CMIP: variants seen among roughly 807,000 people sequenced by gnomAD.
CMIP encodes c-Maf inducing protein, also known as C-Maf-inducing protein.
A neutral mutation model predicts 97.3 loss-of-function variants in CMIP; 13 were observed. The observed-to-expected ratio is 0.13, with a 90% CI of 0.09 to 0.21. The LOEUF is 0.21. CMIP is among the 10% of genes least tolerant of loss of function. CMIP has a pLI of 1.00. For synonymous variants in CMIP, 538 were observed against 436.3 expected (o/e 1.23, Z -2.91); for missense variants, 847 against 1,024.9 (o/e 0.83, Z 2.37).
At chr16:81,703,339 T>C (rs1310251481) in intron 17 of CMIP, among the ~76,000 whole-genome samples, 1 of 151,968 alleles carries the variant, frequency 6.6e-6, no homozygotes, top group Non-Finnish European at 1.5e-5. Context: ...GTGGAGGTTG[T>C]CTTAGGAACC....
intron 1 of CMIP, among the ~76,000 whole-genome samples, chr16:81,473,334 G>A (rs1405901576): frequency 6.6e-5 from 10 of 152,196 alleles, no homozygotes; most frequent in African/African-American, 1.2e-4. Flanking sequence ...AGCAGGGGCC[G>A]CTCTGTAATT....
chr16:81,461,089 C>T (rs1906871084), intron 1 of CMIP, among the ~76,000 whole-genome samples: 1 of 152,190 alleles, frequency 6.6e-6, no homozygotes, highest in Non-Finnish European at 1.5e-5. Flanking sequence ...ACAACTAAGG[C>T]CAAGCCAGGC....
At chr16:81,696,728 T>A in intron 14 of CMIP, 61 bp downstream of exon 14, 1 of 1,486,468 alleles carries the variant, frequency 6.7e-7, no homozygotes, top group Non-Finnish European at 9.1e-7. Context: ...CATGCCTGAC[T>A]AGTAAAACAG....
In CMIP at chr16:81,500,568, A is replaced by C. The variant is rs551192352; in HGVS notation, c.300+55027A>C. On this transcript the variant is annotated intron_variant, in intron 1 of 20. Coordinates refer to ENST00000537098, the MANE Select transcript of CMIP (RefSeq NM_198390.3). ...CAGTGGTGCGATCTCCGCTCACTGC[A>C]ACCTCTGCCTCCCGGGTTGAAGTGA... Among the ~76,000 whole-genome samples, 11 of 148,668 alleles carry C rather than the reference A, an allele frequency of 7.4e-5. No individual in the cohort carries two copies. The East Asian group carries it at 2.2e-3, about 29-fold the overall frequency.
intron 1 of CMIP, among the ~76,000 whole-genome samples, chr16:81,548,423 A>ACCAG (rs1269182618): frequency 6.6e-6 from 1 of 152,022 alleles, no homozygotes; most frequent in Non-Finnish European, 1.5e-5. Context: ...AGTGTGAGGC[A>ACCAG]CCAGCCAGCT....
chr16:81,596,886 T>C (rs796106235), intron 1 of CMIP, among the ~76,000 whole-genome samples: 2 of 152,348 alleles, frequency 1.3e-5, no homozygotes, highest in African/African-American at 4.8e-5. Flanking sequence ...TTTGTATGGG[T>C]GGAAGCACAT....
At position 81,670,237 on chromosome 16, in the gene CMIP, C is replaced by T; in HGVS notation, c.921C>T (p.Phe307=). 1 of 1,609,748 alleles carries T rather than the reference C, an allele frequency of 6.2e-7. No homozygotes were observed. Among genetic ancestry groups the T allele is most frequent in the South Asian group, 1.1e-5 (1 of 89,858 alleles). ...LNAGMEVVKK[F]IQSMHGPTGH... is the part of the protein sequence containing the mutation. ...CGGGGATGGAAGTGGTGAAGAAGTT[C>T]ATTCAGAGGTGGGTCTCCGGCGCGA... is the stretch of plus-strand genomic sequence containing the variant. The change falls in exon 8 of 21, where the codon TTC becomes TTT. Residue 307 remains phenylalanine, a synonymous_variant. Coordinates refer to ENST00000537098, the MANE Select transcript of CMIP (RefSeq NM_198390.3).
Position 81,691,850 on chromosome 16 carries a change from G to C in CMIP, c.1454+10G>C. On this transcript the variant is annotated intron_variant, in intron 11 of 20. Transcript: ENST00000537098. ...TTCCATTCCCCAAAGAGTAAGTCCC[G>C]TGTGCATCCCCGGAGCCCTCCCACC... 6.2e-7 allele frequency: 1 copy of C among 1,611,946 alleles called. No homozygotes were observed. The highest frequency in any genetic ancestry group is 8.5e-7 in the Non-Finnish European group (1 of 1,178,180).
chr16:81,458,001 G>C (rs1389241305), intron 1 of CMIP, among the ~76,000 whole-genome samples: 1 of 152,198 alleles, frequency 6.6e-6, no homozygotes, highest in Non-Finnish European at 1.5e-5. Context: ...TCAGAGATCT[G>C]GGTTGTTGAA....
In CMIP at chr16:81,672,135, G is replaced by A. The variant is rs895394970; in HGVS notation, c.1034+65G>A. 1.4e-5 allele frequency: 13 copies of A among 949,364 alleles called. No individual in the cohort carries two copies. The East Asian group carries it at 3.4e-4, about 25-fold the overall frequency. The allele number at this position is 949,364 out of a possible 1,614,324, so 58.8% of individuals were successfully genotyped here. On this transcript the variant is annotated intron_variant, in intron 9 of 20. Transcript: ENST00000537098. ...GGGCAAACTGCCACCCCCATCATGG[G>A]CAAAGTCACCAAGAACTGACCAGGC...
intron 2 of CMIP, among the ~76,000 whole-genome samples, chr16:81,613,225 C>T (rs748568199): frequency 9.9e-5 from 15 of 152,202 alleles, no homozygotes; most frequent in African/African-American, 3.1e-4. Flanking sequence ...AGGTCTCCTG[C>T]GTGCCACATC....
intron 1 of CMIP, among the ~76,000 whole-genome samples, chr16:81,581,875 G>C (rs907122954): frequency 6.6e-6 from 1 of 152,158 alleles, no homozygotes. Context: ...GTATTAATCA[G>C]TTCTTACCTT....
At chr16:81,448,543 C>G (rs1351450255) in intron 1 of CMIP, among the ~76,000 whole-genome samples, 4 of 152,174 alleles carry the variant, frequency 2.6e-5, no homozygotes, top group Non-Finnish European at 5.9e-5. Context: ...AGCCAGCAGC[C>G]TCACCCGCCT....
chr16:81,481,306 G>T (rs1432752505), intron 1 of CMIP, among the ~76,000 whole-genome samples: 2 of 152,180 alleles, frequency 1.3e-5, no homozygotes, highest in Non-Finnish European at 2.9e-5. Context: ...GTCTCTGCAT[G>T]AGCTCCCTCA....
At chr16:81,650,294 G>A (rs370236419) in intron 3 of CMIP, among the ~76,000 whole-genome samples, 2 of 152,204 alleles carry the variant, frequency 1.3e-5, no homozygotes, top group Admixed American at 6.5e-5. Flanking sequence ...GCTCTGCTGG[G>A]CCTATGAGAA....
chr16:81,678,119 G>A (rs1904456904), intron 9 of CMIP, among the ~76,000 whole-genome samples, 156 bp from the exon 10 acceptor site: 1 of 152,172 alleles, frequency 6.6e-6, no homozygotes, highest in Non-Finnish European at 1.5e-5. Flanking sequence ...CGTGCACCCA[G>A]GCTGAGCCTC....
intron 17 of CMIP, 118 bp from the exon 18 acceptor site, chr16:81,703,821 C>A: frequency 7.3e-7 from 1 of 1,360,680 alleles, no homozygotes; most frequent in Non-Finnish European, 9.8e-7. Flanking sequence ...GGATTTACCG[C>A]CCCCCAGGAA....
In CMIP at chr16:81,488,222, C is replaced by T. The variant is rs957054037; in HGVS notation, c.300+42681C>T. On this transcript the variant is annotated intron_variant, in intron 1 of 20. Transcript: ENST00000537098. The stretch of plus-strand genomic sequence containing the variant: ...GTAGCACACCGAAGCTGAGAGAGTG[C>T]GACCGTAGGGGGTTAAGGGCTCATA... 4.6e-5 allele frequency among the ~76,000 whole-genome samples: 7 copies of T among 152,020 alleles called. 1 individual carries two copies. The highest frequency in any genetic ancestry group is 1.5e-4 in the African/African-American group (6 of 41,352).
chr16:81,600,712 C>G (rs2091643486), intron 1 of CMIP, among the ~76,000 whole-genome samples: 1 of 152,218 alleles, frequency 6.6e-6, no homozygotes, highest in Non-Finnish European at 1.5e-5. Flanking sequence ...AATTGTACAT[C>G]TTAAGTGATT....
Sources: allele counts gnomAD v4.1 joint callset (sites outside exome capture counted in the v4.1 genomes callset), GRCh38; gene constraint gnomAD v4.1.1; transcripts MANE v1.5; gene names NCBI Gene and HGNC (gene_info 2026-07-23, HGNC 2026-07-21).